The following LRMDA variants were observed in gnomAD, a reference collection of about 807,000 sequenced individuals.
LRMDA encodes the protein leucine-rich melanocyte differentiation-associated protein.
A neutral mutation model predicts 29.8 loss-of-function variants in LRMDA; 18 were observed. The ratio of observed to expected loss-of-function variants is 0.60; its 90% CI spans 0.42 to 0.90. The LOEUF is 0.90. Among genes scored for constraint, LRMDA ranks in the 40% least tolerant of loss-of-function variants. LRMDA has a pLI of 0.00. For synonymous variants in LRMDA, 125 were observed against 109.4 expected (o/e 1.14, Z -0.89); for missense variants, 273 against 273.9 (o/e 1.00, Z 0.02).
chr10:75,798,205 A>C (rs1303263657), intron 2 of LRMDA, among the ~76,000 whole-genome samples: 1 of 152,026 alleles, frequency 6.6e-6, no homozygotes, highest in African/African-American at 2.4e-5. Context: ...ATTTTTGTGG[A>C]TATAATTCCT....
At chr10:76,083,621 G>A (rs1268084534) in intron 5 of LRMDA, among the ~76,000 whole-genome samples, 1 of 152,140 alleles carries the variant, frequency 6.6e-6, no homozygotes, top group Non-Finnish European at 1.5e-5. Flanking sequence ...CTGAGATCAG[G>A]AGTTCGAGAC....
chr10:75,796,026 G>T (rs1350692723), intron 2 of LRMDA, among the ~76,000 whole-genome samples: 1 of 152,040 alleles, frequency 6.6e-6, no homozygotes, highest in Non-Finnish European at 1.5e-5. Flanking sequence ...TAGCAATATT[G>T]ATTTTTGTAT....
intron 4 of LRMDA, among the ~76,000 whole-genome samples, chr10:76,057,723 CTG>C (rs1033339962): frequency 2.6e-5 from 4 of 152,206 alleles, no homozygotes; most frequent in African/African-American, 7.2e-5. Context: ...GCTCTTGACA[CTG>C]TGTACTTACC....
intron 2 of LRMDA, among the ~76,000 whole-genome samples, chr10:75,878,047 C>T (rs867633583): frequency 6.6e-6 from 1 of 152,112 alleles, no homozygotes; most frequent in East Asian, 1.9e-4. Context: ...TTTTGGACTC[C>T]GACCCCACAG....
At chr10:76,445,080 A>G (rs1199335868) in intron 6 of LRMDA, among the ~76,000 whole-genome samples, 1 of 152,184 alleles carries the variant, frequency 6.6e-6, no homozygotes, top group African/African-American at 2.4e-5. Flanking sequence ...AGATTAAGAC[A>G]CAGGTCTTCC....
At chr10:76,398,283 C>G (rs769247255) in intron 6 of LRMDA, among the ~76,000 whole-genome samples, 13 of 152,140 alleles carry the variant, frequency 8.5e-5, no homozygotes, top group Non-Finnish European at 1.6e-4. Context: ...CCCCCCAGCT[C>G]CCTCCCTCTG....
chr10:76,227,127 T>C (rs2132267449), intron 5 of LRMDA, among the ~76,000 whole-genome samples: 1 of 152,064 alleles, frequency 6.6e-6, no homozygotes, highest in Non-Finnish European at 1.5e-5. Flanking sequence ...TAAGCAGGAG[T>C]TGGTTATGTT....
intron 5 of LRMDA, among the ~76,000 whole-genome samples, chr10:76,141,683 G>C (rs1382989552): frequency 6.6e-6 from 1 of 151,972 alleles, no homozygotes; most frequent in Non-Finnish European, 1.5e-5. Context: ...ATCTAGATTG[G>C]GGATTATAGT....
At chr10:76,191,014 G>C (rs1851235424) in intron 5 of LRMDA, among the ~76,000 whole-genome samples, 1 of 152,166 alleles carries the variant, frequency 6.6e-6, no homozygotes, top group Non-Finnish European at 1.5e-5. Context: ...GAAGAGATCA[G>C]AAAAGAGAGA....
chr10:75,571,567 T>C (rs562309778), intron 2 of LRMDA, among the ~76,000 whole-genome samples: 16 of 152,230 alleles, frequency 1.1e-4, no homozygotes, highest in Non-Finnish European at 2.2e-4. Context: ...TAGGATCCCA[T>C]TCCCCTTGCT....
At chr10:76,418,633 G>A (rs1842043123) in intron 6 of LRMDA, among the ~76,000 whole-genome samples, 1 of 151,444 alleles carries the variant, frequency 6.6e-6, no homozygotes, top group South Asian at 2.1e-4. Context: ...TATAGAATTG[G>A]CCATGACCTC....
At chr10:76,353,147 C>G (rs1258231015) in intron 6 of LRMDA, among the ~76,000 whole-genome samples, 2 of 151,992 alleles carry the variant, frequency 1.3e-5, no homozygotes, top group African/African-American at 4.8e-5. Context: ...GGAGTGATTG[C>G]TATACTGTAA....
chr10:76,427,561 A>T (rs1163577452), intron 6 of LRMDA, among the ~76,000 whole-genome samples: 3 of 152,152 alleles, frequency 2.0e-5, no homozygotes, highest in Non-Finnish European at 4.4e-5. Flanking sequence ...AGGGACAATT[A>T]GACTTCCTCT....
rs550954327 is a variant in LRMDA, at chr10:75,505,879, G to T, written c.131+67385G>T. Among the ~76,000 whole-genome samples, 49 of 152,134 alleles carry T rather than the reference G, an allele frequency of 3.2e-4. 1 individual carries two copies. Among genetic ancestry groups the T allele is most frequent in the Admixed American group, 1.5e-3 (23 of 15,280 alleles). ...ATTTAACTTTCCAAGTTACTATTGT[G>T]TGTCTCAGTTTCATTCAACACATGT... On this transcript the variant is annotated intron_variant, in intron 2 of 6. Coordinates refer to ENST00000611255, the MANE Select transcript of LRMDA (RefSeq NM_001305581.2).
intron 2 of LRMDA, among the ~76,000 whole-genome samples, chr10:75,578,215 CAAAAAAAAAAAAAAAA>C (rs1183989010): frequency 2.8e-4 from 4 of 14,218 alleles, no homozygotes; most frequent in Non-Finnish European, 6.8e-4. Flanking sequence ...AAATGGAAAG[CAAAAAAAAAAAAAAAA>C]AAAAAAAAGC....
intron 4 of LRMDA, among the ~76,000 whole-genome samples, chr10:76,052,677 C>A (rs1007197893): frequency 6.6e-6 from 1 of 152,176 alleles, no homozygotes; most frequent in Non-Finnish European, 1.5e-5. Context: ...AGAAAGAGGA[C>A]CTGAAAAGCT....
intron 6 of LRMDA, among the ~76,000 whole-genome samples, chr10:76,550,094 C>T (rs974058776): frequency 2.6e-5 from 4 of 151,918 alleles, no homozygotes; most frequent in African/African-American, 4.8e-5. Context: ...GTAAAAATTA[C>T]GTGATAAAGA....
At chr10:75,821,107 C>A (rs897687596) in intron 2 of LRMDA, among the ~76,000 whole-genome samples, 2 of 152,118 alleles carry the variant, frequency 1.3e-5, no homozygotes, top group African/African-American at 4.8e-5. Context: ...TAATACCAAT[C>A]TTTACTAAAA....
At chr10:75,898,758 G>T (rs540277497) in intron 2 of LRMDA, among the ~76,000 whole-genome samples, 4 of 152,290 alleles carry the variant, frequency 2.6e-5, no homozygotes, top group African/African-American at 9.6e-5. Context: ...GGAAAATATA[G>T]TCCAAGGTAC....
Sources: allele counts gnomAD v4.1 joint callset (sites outside exome capture counted in the v4.1 genomes callset), GRCh38; gene constraint gnomAD v4.1.1; transcripts MANE v1.5; gene names NCBI Gene and HGNC (gene_info 2026-07-23, HGNC 2026-07-21).